GRID2: variants seen among roughly 807,000 people sequenced by gnomAD.
GRID2 encodes glutamate receptor ionotropic, delta-2.
In GRID2, 33 loss-of-function variants were observed where a neutral mutation model predicts 114.8. The ratio of observed to expected loss-of-function variants is 0.29; its 90% CI spans 0.22 to 0.38. The LOEUF (loss-of-function observed/expected upper bound fraction) is 0.38, where lower values mean the gene tolerates loss of function less well. Among genes scored for constraint, GRID2 ranks in the 10% least tolerant of loss-of-function variants. The pLI, the probability that GRID2 is intolerant of heterozygous loss-of-function variation, is 1.00. For missense variants in GRID2, 1,184 were observed against 1,257.7 expected, an observed-to-expected ratio of 0.94 and a Z score of 0.89; for synonymous variants, 505 against 449.9, an observed-to-expected ratio of 1.12 and a Z score of -1.55.
chr4:93,364,069 T>G (rs1221151684), intron 8 of GRID2, among the ~76,000 whole-genome samples: 2 of 152,070 alleles, frequency 1.3e-5, no homozygotes, highest in Non-Finnish European at 2.9e-5. Context: ...TTCCTATTGC[T>G]TTTTCTCATG....
chr4:92,692,274 T>C (rs1177017582), intron 2 of GRID2, among the ~76,000 whole-genome samples: 1 of 152,208 alleles, frequency 6.6e-6, no homozygotes, highest in Non-Finnish European at 1.5e-5. Flanking sequence ...ATATTTCTGC[T>C]ACAAGTACTA....
chr4:92,572,352 G>A (rs1044080234), intron 1 of GRID2, among the ~76,000 whole-genome samples: 3 of 152,010 alleles, frequency 2.0e-5, no homozygotes, highest in Non-Finnish European at 4.4e-5. Flanking sequence ...GAATCTCTCT[G>A]AATAGACCAA....
chr4:92,906,322 C>A (rs1747948166), intron 2 of GRID2, among the ~76,000 whole-genome samples: 1 of 150,000 alleles, frequency 6.7e-6, no homozygotes, highest in Non-Finnish European at 1.5e-5. Context: ...TCTTGCTGTG[C>A]TTTTATGTAT....
chr4:93,432,698 C>T (rs556914270), intron 10 of GRID2, among the ~76,000 whole-genome samples: 2 of 152,266 alleles, frequency 1.3e-5, no homozygotes, highest in South Asian at 2.1e-4. Flanking sequence ...ACATTATACA[C>T]TTGTCAAAAC....
chr4:92,551,657 G>A (rs1726596169), intron 1 of GRID2, among the ~76,000 whole-genome samples: 1 of 152,060 alleles, frequency 6.6e-6, no homozygotes, highest in South Asian at 2.1e-4. Flanking sequence ...ATAAATTAAT[G>A]GACTTATACT....
chr4:92,430,009 T>G (rs568548774), intron 1 of GRID2, among the ~76,000 whole-genome samples: 2 of 152,342 alleles, frequency 1.3e-5, no homozygotes, highest in African/African-American at 4.8e-5. Flanking sequence ...TATTAATCTC[T>G]TGTCAGATTG....
At chr4:93,125,107 T>C (rs1396724999) in intron 4 of GRID2, among the ~76,000 whole-genome samples, 1 of 152,070 alleles carries the variant, frequency 6.6e-6, no homozygotes, top group East Asian at 1.9e-4. Context: ...TTCACATTGA[T>C]ATATCAGTAT....
At chr4:93,194,999 T>C (rs890011057) in intron 4 of GRID2, among the ~76,000 whole-genome samples, 1 of 152,178 alleles carries the variant, frequency 6.6e-6, no homozygotes, top group East Asian at 1.9e-4. Context: ...TAAGGGTATA[T>C]TACAAGAAGA....
At chr4:93,257,416 T>C (rs986565354) in intron 8 of GRID2, among the ~76,000 whole-genome samples, 2 of 151,716 alleles carry the variant, frequency 1.3e-5, no homozygotes, top group Non-Finnish European at 3.0e-5. Flanking sequence ...AAACCAAAAA[T>C]TTATTGATTA....
At chr4:92,538,990 C>T (rs557244195) in intron 1 of GRID2, among the ~76,000 whole-genome samples, 12 of 149,212 alleles carry the variant, frequency 8.0e-5, no homozygotes, top group Non-Finnish European at 1.2e-4. Context: ...TGCAGTGAGC[C>T]GAGATCACTC....
intron 2 of GRID2, among the ~76,000 whole-genome samples, chr4:93,037,467 G>A (rs919183319): frequency 3.3e-5 from 5 of 152,028 alleles, no homozygotes; most frequent in Non-Finnish European, 5.9e-5. Flanking sequence ...ATCTATTTTG[G>A]CTTTTGTTGC....
At chr4:93,531,718 T>C (rs1184203989) in intron 13 of GRID2, among the ~76,000 whole-genome samples, 1 of 152,112 alleles carries the variant, frequency 6.6e-6, no homozygotes, top group African/African-American at 2.4e-5. Flanking sequence ...ACAATATGTA[T>C]ATACCATAGA....
At chr4:93,052,840 A>G (rs1726855463) in intron 2 of GRID2, among the ~76,000 whole-genome samples, 1 of 151,874 alleles carries the variant, frequency 6.6e-6, no homozygotes, top group Non-Finnish European at 1.5e-5. Flanking sequence ...GATTAGTCTC[A>G]GTTTCTATTC....
intron 13 of GRID2, among the ~76,000 whole-genome samples, chr4:93,582,231 T>A (rs1737053089): frequency 6.6e-6 from 1 of 152,078 alleles, no homozygotes; most frequent in African/African-American, 2.4e-5. Flanking sequence ...CTCAAAGCCT[T>A]TTCCTCCATT....
At chr4:92,638,792 T>C (rs180933355) in intron 2 of GRID2, among the ~76,000 whole-genome samples, 58 of 151,130 alleles carry the variant, frequency 3.8e-4, no homozygotes, top group African/African-American at 1.3e-3. Context: ...TTAAAAATTT[T>C]AATATTTGTC....
chr4:92,456,334 C>T (rs929839330), intron 1 of GRID2, among the ~76,000 whole-genome samples: 1 of 151,940 alleles, frequency 6.6e-6, no homozygotes, highest in African/African-American at 2.4e-5. Context: ...TGGGAAAATG[C>T]ACTCCCATGA....
At chr4:93,594,817 C>T (rs1318107550) in intron 13 of GRID2, among the ~76,000 whole-genome samples, 4 of 152,166 alleles carry the variant, frequency 2.6e-5, no homozygotes, top group African/African-American at 7.2e-5. Flanking sequence ...CCCGATTTTC[C>T]AGGTGCCGTC....
Position 92,897,477 on chromosome 4 carries a change from C to T in GRID2, c.245-187518C>T, listed in dbSNP as rs546208834. 4.6e-5 allele frequency among the ~76,000 whole-genome samples: 7 copies of T among 152,086 alleles called. No homozygotes were observed. In the South Asian group the frequency reaches 1.5e-3, roughly 32 times the overall value. ...GAATGGGAGTTCATTTTTAAGTCAA[C>T]ATCTATTTCCCTTTTTTGTCACTCT... On this transcript the variant is annotated intron_variant, in intron 2 of 15. Coordinates refer to ENST00000282020, the MANE Select transcript of GRID2 (RefSeq NM_001510.4).
At chr4:92,454,759 C>T (rs759058259) in intron 1 of GRID2, among the ~76,000 whole-genome samples, 54 of 152,188 alleles carry the variant, frequency 3.5e-4, no homozygotes, top group Admixed American at 7.2e-4. Flanking sequence ...TGGCGCGAAC[C>T]CAGGAGGCAG....
Sources: allele counts gnomAD v4.1 joint callset (sites outside exome capture counted in the v4.1 genomes callset), GRCh38; gene constraint gnomAD v4.1.1; transcripts MANE v1.5; gene names NCBI Gene and HGNC (gene_info 2026-07-23, HGNC 2026-07-21).